ATP2B4: variants seen among roughly 807,000 people sequenced by gnomAD.
The protein encoded by ATP2B4 is ATPase plasma membrane Ca2+ transporting 4.
ATP2B4 carries 39 observed loss-of-function variants against 110.3 expected under a neutral mutation model. That is an observed-to-expected ratio of 0.35 (90% CI 0.27 to 0.46). ATP2B4 has a LOEUF of 0.46. ATP2B4 is among the 20% of genes least tolerant of loss of function. The probability of loss-of-function intolerance (pLI) is 1.00; values close to 1 mark genes in which losing one functional copy is unlikely to be tolerated. For missense variants in ATP2B4, 1,135 were observed against 1,530.9 expected (o/e 0.74, Z 4.32); for synonymous variants, 538 against 571.7 (o/e 0.94, Z 0.84).
intron 2 of ATP2B4, among the ~76,000 whole-genome samples, chr1:203,691,527 A>AG (rs1319839016): frequency 1.3e-5 from 2 of 152,206 alleles, no homozygotes; most frequent in Non-Finnish European, 2.9e-5. Flanking sequence ...GGCCAAGAGC[A>AG]GGGGGCGGGA....
intron 17 of ATP2B4, among the ~76,000 whole-genome samples, chr1:203,721,668 T>C (rs1258218940): frequency 1.5e-5 from 2 of 135,232 alleles, no homozygotes; most frequent in Non-Finnish European, 3.1e-5. Flanking sequence ...TTTTTTTTTT[T>C]TTTTTCTTTT....
intron 16 of ATP2B4, 104 bp downstream of exon 16, chr1:203,720,844 C>A: frequency 1.5e-6 from 2 of 1,336,336 alleles, no homozygotes; most frequent in Non-Finnish European, 2.0e-6. Flanking sequence ...GACAGCGTTT[C>A]CCCATGACAT....
rs537086847 is a variant in ATP2B4, at chr1:203,708,686, A to G, written c.1557+582A>G. 1.2e-3 allele frequency among the ~76,000 whole-genome samples: 180 copies of G among 152,172 alleles called. 1 individual carries two copies. Among genetic ancestry groups the G allele is most frequent in the South Asian group, 3.1e-3 (15 of 4,820 alleles). On this transcript the variant is annotated intron_variant, in intron 10 of 20. Transcript: ENST00000357681. ...AGCCTGAGCAATATTGTGAGACCTC[A>G]TCTCTACAAAAATAAACAAAATTAG... is the stretch of plus-strand genomic sequence containing the variant.
Position 203,740,401 on chromosome 1 carries a change from C to T in ATP2B4, c.*547C>T, listed in dbSNP as rs1666974000. On this transcript the variant is annotated 3_prime_UTR_variant, in exon 21 of 21. Transcript: ENST00000357681. ...AACTCTTTCTGCCCTTTCATTCAAA[C>T]CTCTCCAAAGTTCTTTGTCTTTTGT... is the stretch of plus-strand genomic sequence containing the variant. The T allele has an allele frequency of 6.6e-6, 1 of 152,202 alleles. No homozygotes were observed. Among genetic ancestry groups the T allele is most frequent in the South Asian group, 2.1e-4 (1 of 4,822 alleles). The allele number at this position is 152,202 out of a possible 1,614,324, so 9.4% of individuals were successfully genotyped here.
At chr1:203,672,390 TTAAAAG>T (rs1430470780) in intron 1 of ATP2B4, among the ~76,000 whole-genome samples, 1 of 140,908 alleles carries the variant, frequency 7.1e-6, no homozygotes, top group African/African-American at 2.6e-5. Context: ...AAAGAAAACT[TTAAAAG>T]TAAAATAATA....
intron 20 of ATP2B4, chr1:203,728,266 T>C (rs1488672828): frequency 2.2e-6 from 1 of 456,258 alleles, no homozygotes; most frequent in East Asian, 7.0e-5. Flanking sequence ...GCTGCTCTTA[T>C]GTCCCCTGTC....
chr1:203,722,411 T>C, intron 17 of ATP2B4, 67 bp from the exon 18 acceptor site: 2 of 1,255,684 alleles, frequency 1.6e-6, no homozygotes, highest in Non-Finnish European at 2.3e-6. Context: ...AGTATATCTG[T>C]ACCAACACAT....
chr1:203,713,807 A>G (rs74695582), intron 14 of ATP2B4, among the ~76,000 whole-genome samples: 2,430 of 152,262 alleles, frequency 0.016, 73 homozygotes, highest in African/African-American at 0.056. Flanking sequence ...TTATTTACCA[A>G]TAGTACTGTG....
rs370578895 is a variant in ATP2B4 at position 203,739,690 on chromosome 1, G to A, written c.3454G>A (p.Glu1152Lys). 2.5e-6 allele frequency: 4 copies of A among 1,614,074 alleles called. No homozygotes were observed. Among genetic ancestry groups the A allele is most frequent in the Non-Finnish European group, 2.5e-6 (3 of 1,180,048 alleles). The change falls in exon 21 of 21, where the codon GAG becomes AAG. Residue 1152 changes from glutamate (E) to lysine (K), a missense_variant. Glu to Lys is a moderately conservative substitution (Grantham distance 56, BLOSUM62 1). Transcript: ENST00000357681. ...LPRTPLLDEEEEENPDKASKF... is the reference protein window; with the variant it reads ...LPRTPLLDEEKEENPDKASKF... ...ACGAACACCACTCCTGGATGAGGAA[G>A]AGGAGGAAAATCCTGACAAGGCTTC...
chr1:203,734,899 G>C (rs948983159), intron 20 of ATP2B4, among the ~76,000 whole-genome samples: 1 of 149,384 alleles, frequency 6.7e-6, no homozygotes, highest in African/African-American at 2.5e-5. Flanking sequence ...AGCTACTCAG[G>C]ATGCTGAGGC....
At chr1:203,732,311 C>G (rs1217178263) in intron 20 of ATP2B4, among the ~76,000 whole-genome samples, 1 of 152,164 alleles carries the variant, frequency 6.6e-6, no homozygotes, top group Non-Finnish European at 1.5e-5. Context: ...TCTTCCTCCC[C>G]CTCCCTCAGT....
chr1:203,721,871 C>T (rs994484953), intron 17 of ATP2B4, among the ~76,000 whole-genome samples: 3 of 151,854 alleles, frequency 2.0e-5, no homozygotes, highest in African/African-American at 4.8e-5. Flanking sequence ...TCATGTTGGC[C>T]AGGCTGGGCT....
intron 1 of ATP2B4, among the ~76,000 whole-genome samples, chr1:203,654,823 G>C (rs912275215): frequency 1.3e-5 from 2 of 151,542 alleles, no homozygotes; most frequent in South Asian, 4.2e-4. Flanking sequence ...AGAGGTCGAG[G>C]GTGCAGTGAG....
chr1:203,679,651 GA>G (rs1664938120), intron 1 of ATP2B4, among the ~76,000 whole-genome samples: 2 of 152,124 alleles, frequency 1.3e-5, no homozygotes, highest in Non-Finnish European at 2.9e-5. Context: ...TTGGGAGGCC[GA>G]GGGGGGTGGA....
At chr1:203,686,764 G>T (rs1413046082) in intron 2 of ATP2B4, among the ~76,000 whole-genome samples, 5 of 127,598 alleles carry the variant, frequency 3.9e-5, no homozygotes, top group Non-Finnish European at 7.9e-5. Context: ...CGCGATATTG[G>T]CTCACTACAA....
At chr1:203,637,292 G>A (rs1262934576) in intron 1 of ATP2B4, among the ~76,000 whole-genome samples, 1 of 152,080 alleles carries the variant, frequency 6.6e-6, no homozygotes, top group Non-Finnish European at 1.5e-5. Flanking sequence ...TTAGCCGGGC[G>A]AGGTGGCAGG....
intron 11 of ATP2B4, 79 bp downstream of exon 11, chr1:203,709,621 C>A: frequency 6.3e-7 from 1 of 1,586,394 alleles, no homozygotes; most frequent in South Asian, 1.1e-5. Context: ...ACACTGAACC[C>A]ATGTGAATGA....
At chr1:203,697,665 C>T (rs1665572696) in intron 2 of ATP2B4, among the ~76,000 whole-genome samples, 1 of 152,164 alleles carries the variant, frequency 6.6e-6, no homozygotes, top group Non-Finnish European at 1.5e-5. Context: ...CTAACTGGAT[C>T]TCATACTTGA....
At chr1:203,657,296 A>G (rs1395798569) in intron 1 of ATP2B4, 1 of 733,070 alleles carries the variant, frequency 1.4e-6, no homozygotes, top group Non-Finnish European at 2.5e-6. Context: ...AGAGTTTAGT[A>G]ACCACCCTCT....
Sources: gnomAD v4.1 joint callset for allele counts (sites outside exome capture counted in the v4.1 genomes callset) on GRCh38, gnomAD v4.1.1 for gene constraint, MANE v1.5 for transcripts, NCBI Gene and HGNC (gene_info 2026-07-23, HGNC 2026-07-21) for gene names.